Variants in PRDM5 observed in about 807,000 individuals in gnomAD.
PRDM5 encodes PR/SET domain 5.
PRDM5 carries 56 observed loss-of-function variants against 81.2 expected under a neutral mutation model. That is an observed-to-expected ratio of 0.69 (90% confidence interval 0.56 to 0.86). The LOEUF (loss-of-function observed/expected upper bound fraction) is 0.86. Among genes scored for constraint, PRDM5 ranks in the 40% least tolerant of loss-of-function variants. The pLI, the probability that PRDM5 is intolerant of heterozygous loss-of-function variation, is 0.00. For synonymous variants in PRDM5, 267 were observed against 256.4 expected (o/e 1.04, Z -0.39); for missense variants, 697 against 770.1 (o/e 0.91, Z 1.12).
At position 120,781,188 on chromosome 4, in the gene PRDM5, A is replaced by C; in HGVS notation, c.1398T>G (p.Cys466Trp). 2 of 1,613,480 alleles carry C rather than the reference A, an allele frequency of 1.2e-6. No individual in the cohort carries two copies. The highest frequency in any genetic ancestry group is 1.7e-6 in the Non-Finnish European group (2 of 1,179,560). ...ERHKKYRCELCNKAFVTPSVL... is the reference protein window; with the variant it reads ...ERHKKYRCELWNKAFVTPSVL... ...CTGAAGGTGTAACAAAGGCCTTATT[A>C]CATAGCTCACACCTATACTTCTTGT... is the stretch of plus-strand genomic sequence containing the variant. Residue 466 changes from cysteine to tryptophan, a missense_variant, in exon 12 of 16, where the codon TGT becomes TGG. Physicochemically the swap from Cys to Trp is radical, Grantham distance 215 (BLOSUM62 -2). Coordinates refer to ENST00000264808, the MANE Select transcript of PRDM5 (RefSeq NM_018699.4).
chr4:120,874,580 A>T (rs1762157340), intron 2 of PRDM5, among the ~76,000 whole-genome samples: 1 of 152,264 alleles, frequency 6.6e-6, no homozygotes, highest in Non-Finnish European at 1.5e-5. Flanking sequence ...AATCATTTTA[A>T]AATGCAAATA....
chr4:120,876,599 C>T (rs909902513), intron 2 of PRDM5, among the ~76,000 whole-genome samples: 2 of 152,014 alleles, frequency 1.3e-5, no homozygotes, highest in African/African-American at 4.8e-5. Flanking sequence ...GGTCTAAAAA[C>T]ATAAAGACCT....
intron 8 of PRDM5, among the ~76,000 whole-genome samples, chr4:120,809,073 G>A (rs1053631653): frequency 8.5e-5 from 13 of 152,220 alleles, no homozygotes; most frequent in South Asian, 2.1e-4. Flanking sequence ...GCCAAGGGCC[G>A]AGGAGGCATC....
chr4:120,776,400 T>C (rs750707511), intron 13 of PRDM5, among the ~76,000 whole-genome samples: 15 of 152,172 alleles, frequency 9.9e-5, no homozygotes, highest in Non-Finnish European at 1.8e-4. Flanking sequence ...TTGAGCTAGG[T>C]ACTGGGGATA....
intron 2 of PRDM5, among the ~76,000 whole-genome samples, chr4:120,867,133 A>AATT (rs1761268514): frequency 6.6e-6 from 1 of 152,152 alleles, no homozygotes; most frequent in Admixed American, 6.5e-5. Flanking sequence ...AACCTGAATG[A>AATT]GCTTGGAAGC....
intron 2 of PRDM5, among the ~76,000 whole-genome samples, chr4:120,904,785 C>T (rs1309966223): frequency 2.0e-5 from 3 of 152,098 alleles, no homozygotes; most frequent in Non-Finnish European, 4.4e-5. Context: ...TTAACACTAC[C>T]TTATAGCTAC....
At chr4:120,916,634 T>G (rs138163292) in intron 1 of PRDM5, among the ~76,000 whole-genome samples, 1 of 152,188 alleles carries the variant, frequency 6.6e-6, no homozygotes, top group African/African-American at 2.4e-5. Context: ...CTTTGACATA[T>G]CCCCTTGCTG....
At chr4:120,806,258 A>G (rs896789034) in intron 8 of PRDM5, among the ~76,000 whole-genome samples, 2 of 152,224 alleles carry the variant, frequency 1.3e-5, no homozygotes, top group Non-Finnish European at 2.9e-5. Context: ...AATATTGTGA[A>G]AATGGCCATA....
intron 2 of PRDM5, among the ~76,000 whole-genome samples, chr4:120,870,048 A>T (rs1761613957): frequency 6.6e-6 from 1 of 152,052 alleles, no homozygotes; most frequent in Non-Finnish European, 1.5e-5. Flanking sequence ...AGGACATAGG[A>T]GGAAGAAGCA....
At chr4:120,722,965 G>C (rs1353771844) in intron 14 of PRDM5, among the ~76,000 whole-genome samples, 1 of 152,186 alleles carries the variant, frequency 6.6e-6, no homozygotes, top group East Asian at 1.9e-4. Flanking sequence ...CCCTTCCTCT[G>C]AAATTCTTGT....
At chr4:120,788,634 T>C (rs1235412128) in intron 10 of PRDM5, among the ~76,000 whole-genome samples, 4 of 152,210 alleles carry the variant, frequency 2.6e-5, no homozygotes, top group African/African-American at 9.6e-5. Flanking sequence ...ATTTGGGACA[T>C]AACATGACTT....
At chr4:120,845,268 T>A (rs1758528570) in intron 3 of PRDM5, among the ~76,000 whole-genome samples, 1 of 152,190 alleles carries the variant, frequency 6.6e-6, no homozygotes, top group East Asian at 1.9e-4. Context: ...AATAGTTCTA[T>A]TGGAAGAAGA....
At position 120,844,092 on chromosome 4, in the gene PRDM5, C is replaced by G. The variant is rs343174; in HGVS notation, c.300+9326G>C. On this transcript the variant is annotated intron_variant, in intron 3 of 15. Transcript: ENST00000264808. The stretch of plus-strand genomic sequence containing the variant: ...CTCACTAGGATTCAGTCACTCCACA[C>G]AGCAGGTTGTCTCTTGAGTAGTGGA... Among the ~76,000 whole-genome samples, 1,178 of 152,220 alleles carry G rather than the reference C, an allele frequency of 7.7e-3. 15 individuals carry two copies. Among genetic ancestry groups the G allele is most frequent in the African/African-American group, 0.027 (1,115 of 41,524 alleles).
At chr4:120,805,938 T>C (rs529489481) in intron 8 of PRDM5, among the ~76,000 whole-genome samples, 2 of 152,354 alleles carry the variant, frequency 1.3e-5, no homozygotes, top group East Asian at 3.9e-4. Flanking sequence ...CATGACTGTA[T>C]ATCTAGAAAA....
chr4:120,828,390 G>C (rs1239756229), intron 3 of PRDM5, among the ~76,000 whole-genome samples: 1 of 151,996 alleles, frequency 6.6e-6, no homozygotes, highest in Non-Finnish European at 1.5e-5. Flanking sequence ...GGAAAACTGA[G>C]GCTCAGAGAT....
In PRDM5 at chr4:120,922,667, G is replaced by A; in HGVS notation, c.-59C>T. 1 of 1,557,826 alleles carries A rather than the reference G, an allele frequency of 6.4e-7. No homozygotes were observed. The highest frequency in any genetic ancestry group is 8.7e-7 in the Non-Finnish European group (1 of 1,150,648). ...CACCGGCGCTTAGCGCCCGGCAGGC[G>A]GCACATCGAAATTTGGGGTGCCAGG... On this transcript the variant is annotated 5_prime_UTR_variant, in exon 1 of 16. Transcript: ENST00000264808.
intron 8 of PRDM5, among the ~76,000 whole-genome samples, chr4:120,806,915 C>T (rs1394195385): frequency 1.3e-5 from 2 of 152,100 alleles, no homozygotes; most frequent in Admixed American, 1.3e-4. Context: ...AACAGGCAAC[C>T]TACAGAATGG....
chr4:120,866,788 C>A (rs1045667660), intron 2 of PRDM5, among the ~76,000 whole-genome samples: 2 of 152,166 alleles, frequency 1.3e-5, no homozygotes, highest in African/African-American at 4.8e-5. Context: ...CCATAACTCA[C>A]ACCTTTGTAT....
chr4:120,718,623 T>C (rs1438659201), intron 14 of PRDM5, among the ~76,000 whole-genome samples: 1 of 152,158 alleles, frequency 6.6e-6, no homozygotes, highest in Non-Finnish European at 1.5e-5. Context: ...TTTAGAGAAG[T>C]TTGCCTTAAC....
Sources: allele counts gnomAD v4.1 joint callset (sites outside exome capture counted in the v4.1 genomes callset), GRCh38; gene constraint gnomAD v4.1.1; transcripts MANE v1.5; gene names NCBI Gene and HGNC (gene_info 2026-07-23, HGNC 2026-07-21).